Variants in SLC9A7 observed in about 807,000 individuals in gnomAD.
SLC9A7 encodes the protein solute carrier family 9 member A7, also known as sodium/hydrogen exchanger 7.
SLC9A7 carries 19 observed loss-of-function variants against 52.6 expected under a neutral mutation model. The observed-to-expected ratio is 0.36, with a 90% CI of 0.25 to 0.53. The LOEUF is 0.53. Among genes scored for constraint, SLC9A7 ranks in the 20% least tolerant of loss-of-function variants. SLC9A7 has a pLI of 0.91. For synonymous variants in SLC9A7, 226 were observed against 252.1 expected, an observed-to-expected ratio of 0.90 and a Z score of 0.98; for missense variants, 455 against 597.9, an observed-to-expected ratio of 0.76 and a Z score of 2.49.
intron 1 of SLC9A7, among the ~76,000 whole-genome samples, chrX:46,731,853 G>GA (rs1293709591): frequency 2.7e-5 from 3 of 109,693 alleles, no homozygotes; most frequent in Admixed American, 1.9e-4. Flanking sequence ...GCAATTCACA[G>GA]AAAAAAAAAT....
chrX:46,660,973 A>G (rs1266565130), intron 7 of SLC9A7, among the ~76,000 whole-genome samples: 2 of 109,537 alleles, frequency 1.8e-5, no homozygotes, highest in African/African-American at 6.7e-5. Context: ...AACCAACCCA[A>G]ATGTCCAACA....
Position 46,606,610 on chromosome X carries a change from C to A in SLC9A7, c.*342G>T. The A allele has an allele frequency of 2.2e-6, 2 of 897,447 alleles. No individual in the cohort carries two copies. The highest frequency in any genetic ancestry group is 2.7e-6 in the Non-Finnish European group (2 of 728,978). 74.0% of individuals were successfully genotyped at this position (897,447 alleles called of 1,213,427 possible). A position where few individuals can be genotyped will look rare whatever the true frequency, so the allele number is the denominator to read the frequency against. ...AGATGCAGCCTCTCATGGGAGGAAT[C>A]CCCCCACCCAGCACCTGCCTCGCCT... On this transcript the variant is annotated 3_prime_UTR_variant, in exon 17 of 17. Coordinates refer to ENST00000616978, the MANE Select transcript of SLC9A7 (RefSeq NM_001257291.2).
chrX:46,691,369 T>G (rs1014320558), intron 1 of SLC9A7, among the ~76,000 whole-genome samples: 1 of 112,454 alleles, frequency 8.9e-6, no homozygotes, highest in Non-Finnish European at 1.9e-5. Context: ...TGTTGCTATT[T>G]ACCAACTTTT....
At chrX:46,754,006 AT>A (rs1922443852) in intron 1 of SLC9A7, among the ~76,000 whole-genome samples, 7 of 108,586 alleles carry the variant, frequency 6.4e-5, no homozygotes, top group African/African-American at 1.7e-4. Context: ...AATAATAATA[AT>A]AATAAATAAA....
chrX:46,721,696 ACCC>A (rs952682699), intron 1 of SLC9A7, among the ~76,000 whole-genome samples: 2 of 111,472 alleles, frequency 1.8e-5, no homozygotes, highest in Non-Finnish European at 3.8e-5. Flanking sequence ...ACAGCCACCA[ACCC>A]ACCAAAGGCT....
At chrX:46,628,360 AC>A (rs1421659641) in intron 14 of SLC9A7, among the ~76,000 whole-genome samples, 1 of 111,163 alleles carries the variant, frequency 9.0e-6, no homozygotes, top group Admixed American at 9.5e-5. Flanking sequence ...AGTCACCAAG[AC>A]CTCCAGAGAA....
intron 1 of SLC9A7, among the ~76,000 whole-genome samples, chrX:46,718,283 T>C (rs1179265973): frequency 2.1e-4 from 23 of 111,754 alleles, no homozygotes; most frequent in African/African-American, 7.5e-4. Flanking sequence ...TTACACCTTA[T>C]ACAAAAATTA....
chrX:46,710,626 AAG>A (rs892548471), intron 1 of SLC9A7, among the ~76,000 whole-genome samples: 1 of 109,959 alleles, frequency 9.1e-6, no homozygotes. Flanking sequence ...TGGGAAAAAA[AAG>A]AGAGAGAGAG....
At chrX:46,696,439 A>G (rs991402310) in intron 1 of SLC9A7, among the ~76,000 whole-genome samples, 1 of 112,047 alleles carries the variant, frequency 8.9e-6, no homozygotes, top group South Asian at 3.7e-4. Flanking sequence ...TCTACCAACC[A>G]GGTGCTTAGG....
intron 1 of SLC9A7, among the ~76,000 whole-genome samples, chrX:46,751,463 G>A (rs782303168): frequency 1.8e-5 from 2 of 110,918 alleles, no homozygotes; most frequent in Non-Finnish European, 3.8e-5. Context: ...GTTAAACAGA[G>A]GCAATTTAAA....
intron 12 of SLC9A7, among the ~76,000 whole-genome samples, chrX:46,640,613 CTG>C (rs1267211346): frequency 8.9e-6 from 1 of 111,904 alleles, no homozygotes; most frequent in Non-Finnish European, 1.9e-5. Context: ...AAGCTACACA[CTG>C]GGAAAAAATA....
chrX:46,753,237 G>A (rs1922367140), intron 1 of SLC9A7, among the ~76,000 whole-genome samples: 1 of 111,449 alleles, frequency 9.0e-6, no homozygotes, highest in Non-Finnish European at 1.9e-5. Context: ...ATTAAAGAAA[G>A]TTCAGGCCAT....
chrX:46,743,812 T>C (rs1921541751), intron 1 of SLC9A7, among the ~76,000 whole-genome samples: 1 of 111,290 alleles, frequency 9.0e-6, no homozygotes, highest in Admixed American at 9.6e-5. Context: ...TACTGTCTAC[T>C]CTTTGGCCTC....
At chrX:46,672,259 T>C (rs181462029) in intron 4 of SLC9A7, among the ~76,000 whole-genome samples, 7 of 111,786 alleles carry the variant, frequency 6.3e-5, no homozygotes, top group Admixed American at 5.7e-4. Context: ...TCATCTTGTA[T>C]ATTTCCTGCC....
At chrX:46,706,060 A>T (rs1244150695) in intron 1 of SLC9A7, among the ~76,000 whole-genome samples, 1 of 109,142 alleles carries the variant, frequency 9.2e-6, no homozygotes, top group Non-Finnish European at 1.9e-5. Flanking sequence ...GCTTAAAAAA[A>T]ATCAACTGGG....
chrX:46,702,327 AC>A (rs1165014951), intron 1 of SLC9A7, among the ~76,000 whole-genome samples: 3 of 112,028 alleles, frequency 2.7e-5, no homozygotes, highest in Non-Finnish European at 5.6e-5. Context: ...GGGAACATGT[AC>A]AGGTTTGTTA....
Position 46,604,969 on chromosome X carries a change from A to G in SLC9A7, c.*1983T>C. On this transcript the variant is annotated 3_prime_UTR_variant, in exon 17 of 17. Transcript: ENST00000616978. ...TACGGGTGGACTAGACTGGGACACA[A>G]TATTTTGTCTTCCATCATAAGAAAA... 1 of 111,496 alleles carries G rather than the reference A, an allele frequency of 9.0e-6. No homozygotes were observed. The highest frequency in any genetic ancestry group is 3.7e-4 in the South Asian group (1 of 2,686). 9.2% of individuals were successfully genotyped at this position (111,496 alleles called of 1,213,427 possible).
intron 16 of SLC9A7, 77 bp downstream of exon 16, chrX:46,613,212 T>A: frequency 2.9e-6 from 2 of 698,817 alleles, no homozygotes; most frequent in Non-Finnish European, 4.2e-6. Flanking sequence ...GGCATGAGTA[T>A]GATGGTTTCT....
At position 46,603,961 on chromosome X, in the gene SLC9A7, A is replaced by T. The variant is rs1942701241; in HGVS notation, c.*2991T>A. 8.9e-6 allele frequency: 1 copy of T among 112,801 alleles called. No homozygotes were observed. Among genetic ancestry groups the T allele is most frequent in the African/African-American group, 3.2e-5 (1 of 31,053 alleles). 9.3% of individuals were successfully genotyped at this position (112,801 alleles called of 1,213,427 possible). On this transcript the variant is annotated 3_prime_UTR_variant, in exon 17 of 17. Coordinates refer to ENST00000616978, the MANE Select transcript of SLC9A7 (RefSeq NM_001257291.2). ...TTTTCCCTCCAAAATTAAGTAAGCA[A>T]TATAAGATAAGCAAAGCTTTATAAA... is the stretch of plus-strand genomic sequence containing the variant.
Sources: allele counts gnomAD v4.1 joint callset (sites outside exome capture counted in the v4.1 genomes callset), GRCh38; gene constraint gnomAD v4.1.1; transcripts MANE v1.5; gene names NCBI Gene and HGNC (gene_info 2026-07-23, HGNC 2026-07-21).